ARHGAP18: variants seen among roughly 807,000 people sequenced by gnomAD.
ARHGAP18 encodes rho GTPase-activating protein 18.
In ARHGAP18, 67 loss-of-function variants were observed where a neutral mutation model predicts 86.2. That is an observed-to-expected ratio of 0.78 (90% CI 0.64 to 0.95). The LOEUF (loss-of-function observed/expected upper bound fraction) is 0.95, where lower values mean the gene tolerates loss of function less well. ARHGAP18 is among the 40% of genes least tolerant of loss of function. The probability of loss-of-function intolerance (pLI) is 0.00; values close to 1 mark genes in which losing one functional copy is unlikely to be tolerated. For synonymous variants in ARHGAP18, 283 were observed against 280.4 expected (o/e 1.01, Z -0.09); for missense variants, 691 against 780.4 (o/e 0.89, Z 1.37).
intron 3 of ARHGAP18, among the ~76,000 whole-genome samples, chr6:129,636,895 T>C (rs1398584701): frequency 6.6e-6 from 1 of 152,186 alleles, no homozygotes; most frequent in Non-Finnish European, 1.5e-5. Context: ...CGCTGATTTT[T>C]TACCTTTTTT....
chr6:129,578,462 G>C lies in ARHGAP18; in HGVS notation c.*51C>G. The C allele has an allele frequency of 6.9e-7, 1 of 1,442,066 alleles. No homozygotes were observed. The allele number at this position is 1,442,066 out of a possible 1,614,324, so 89.3% of individuals were successfully genotyped here. ...TTCTTTTATTTACACTCTTGACTCA[G>C]CAAGAATTATGACAGAAGTCCACAT... On this transcript the variant is annotated 3_prime_UTR_variant, in exon 15 of 15. Coordinates refer to ENST00000368149, the MANE Select transcript of ARHGAP18 (RefSeq NM_033515.3).
Position 129,663,458 on chromosome 6 carries a change from A to G in ARHGAP18, c.114-21440T>C, listed in dbSNP as rs114341593. Among the ~76,000 whole-genome samples the G allele has an allele frequency of 5.3e-3, 807 of 152,310 alleles. 6 individuals are homozygous for G. Among genetic ancestry groups the G allele is most frequent in the African/African-American group, 0.018 (759 of 41,568 alleles). ...TCTGCATCCTGTTTCCTACGCCCCA[A>G]TAATTAAGTCCAGTCCTTAATTACT... On this transcript the variant is annotated intron_variant, in intron 1 of 14. Coordinates refer to ENST00000368149, the MANE Select transcript of ARHGAP18 (RefSeq NM_033515.3).
chr6:129,611,743 C>G, intron 7 of ARHGAP18, 133 bp from the exon 8 acceptor site: 1 of 675,344 alleles, frequency 1.5e-6, no homozygotes, highest in East Asian at 2.9e-5. Flanking sequence ...GTTTTGAATG[C>G]TATTTTACTA....
intron 5 of ARHGAP18, among the ~76,000 whole-genome samples, chr6:129,627,709 G>C (rs1016269983): frequency 2.6e-5 from 4 of 151,772 alleles, no homozygotes; most frequent in Non-Finnish European, 5.9e-5. Context: ...CAGAGAAGGA[G>C]ATTTAAGAAT....
At chr6:129,584,160 G>A (rs376903235) in intron 12 of ARHGAP18, 48 bp from the exon 13 acceptor site, 739 of 1,609,800 alleles carry the variant, frequency 4.6e-4, no homozygotes, top group Non-Finnish European at 6.1e-4. Flanking sequence ...CAGCTGGAAC[G>A]TGTAACTCTA....
chr6:129,652,254 G>C (rs1245806492), intron 1 of ARHGAP18, among the ~76,000 whole-genome samples: 4 of 152,196 alleles, frequency 2.6e-5, no homozygotes, highest in Non-Finnish European at 4.4e-5. Context: ...ATGGAGGCCA[G>C]CTTCCTCAGA....
intron 1 of ARHGAP18, among the ~76,000 whole-genome samples, chr6:129,676,347 C>T (rs1774230585): frequency 1.3e-5 from 2 of 152,126 alleles, no homozygotes; most frequent in South Asian, 4.1e-4. Context: ...GGCAACAGGT[C>T]CAATAACACC....
At chr6:129,636,000 T>C (rs1773324919) in intron 3 of ARHGAP18, among the ~76,000 whole-genome samples, 3 of 152,344 alleles carry the variant, frequency 2.0e-5, no homozygotes, top group Non-Finnish European at 4.4e-5. Context: ...CCACAATTTA[T>C]ATTTTGCTTA....
At chr6:129,687,104 G>A (rs911569352) in intron 1 of ARHGAP18, among the ~76,000 whole-genome samples, 6 of 151,126 alleles carry the variant, frequency 4.0e-5, no homozygotes, top group African/African-American at 9.7e-5. Context: ...GATTACAGGC[G>A]TGAGTCACTG....
intron 1 of ARHGAP18, among the ~76,000 whole-genome samples, chr6:129,677,306 TG>T (rs1452139065): frequency 6.6e-6 from 1 of 151,576 alleles, no homozygotes; most frequent in Non-Finnish European, 1.5e-5. Flanking sequence ...GGCAGGAGAA[TG>T]GCGTGAACCC....
intron 1 of ARHGAP18, among the ~76,000 whole-genome samples, chr6:129,678,956 G>A (rs1464052276): frequency 6.6e-6 from 1 of 152,150 alleles, no homozygotes; most frequent in African/African-American, 2.4e-5. Flanking sequence ...GAAATGTTTA[G>A]GAATTCACTA....
chr6:129,630,716 C>G (rs9375643), intron 4 of ARHGAP18, among the ~76,000 whole-genome samples: 32,386 of 151,792 alleles, frequency 0.21, 3,583 homozygotes, highest in Middle Eastern at 0.25. Flanking sequence ...AGTAGACTTC[C>G]CAGGCATGAG....
Position 129,599,338 on chromosome 6 carries a change from T to C in ARHGAP18, c.1591A>G (p.Asn531Asp), listed in dbSNP as rs753283561. The change falls in exon 12 of 15, where the codon AAC (asparagine) becomes GAC (aspartate). Residue 531 changes from asparagine (N) to aspartate (D), a missense_variant. Asn to Asp is a conservative substitution (Grantham distance 23, BLOSUM62 1). Coordinates refer to ENST00000368149, the MANE Select transcript of ARHGAP18 (RefSeq NM_033515.3). ...LLWTIPKFIVNQVRKQNTENH... is the reference protein window; with the variant it reads ...LLWTIPKFIVDQVRKQNTENH... ...TCCGTGTTTTGCTTCCTCACTTGGTTTACAATAAACTTGGGAATCTATAGA... is the reference window on the plus strand; with the variant it reads ...TCCGTGTTTTGCTTCCTCACTTGGTCTACAATAAACTTGGGAATCTATAGA... 3.8e-6 allele frequency: 6 copies of C among 1,570,934 alleles called. No individual in the cohort carries two copies. In the African/African-American group the frequency reaches 8.3e-5, roughly 22 times the overall value.
intron 1 of ARHGAP18, among the ~76,000 whole-genome samples, chr6:129,676,781 GA>G (rs959537377): frequency 3.5e-4 from 52 of 149,634 alleles, no homozygotes; most frequent in African/African-American, 1.1e-3. Context: ...CTTGGGTGTG[GA>G]AAAAAAAAGT....
chr6:129,635,261 G>C (rs1773309163), intron 3 of ARHGAP18, among the ~76,000 whole-genome samples: 1 of 152,164 alleles, frequency 6.6e-6, no homozygotes, highest in Admixed American at 6.5e-5. Context: ...ACCTCAAGCT[G>C]TTGTCCACGA....
chr6:129,699,943 A>G (rs1355406193), intron 1 of ARHGAP18, among the ~76,000 whole-genome samples: 1 of 152,204 alleles, frequency 6.6e-6, no homozygotes, highest in Non-Finnish European at 1.5e-5. Flanking sequence ...TTTATTATGT[A>G]TTCTATAGAT....
At chr6:129,610,323 T>C (rs1192077918) in intron 8 of ARHGAP18, among the ~76,000 whole-genome samples, 1 of 152,206 alleles carries the variant, frequency 6.6e-6, no homozygotes, top group Non-Finnish European at 1.5e-5. Context: ...TTGGAAGCTT[T>C]ATCCCCCAGG....
At chr6:129,702,800 G>A (rs776386681) in intron 1 of ARHGAP18, among the ~76,000 whole-genome samples, 5 of 152,196 alleles carry the variant, frequency 3.3e-5, no homozygotes, top group Admixed American at 6.5e-5. Flanking sequence ...AGGAGTTCGA[G>A]ACCAGCCTGG....
intron 1 of ARHGAP18, among the ~76,000 whole-genome samples, chr6:129,709,415 C>CA (rs923646447): frequency 2.0e-5 from 3 of 152,230 alleles, no homozygotes. Flanking sequence ...AACCACATTT[C>CA]ACTCCAGCAG....
Sources: allele counts gnomAD v4.1 joint callset (sites outside exome capture counted in the v4.1 genomes callset), GRCh38; gene constraint gnomAD v4.1.1; transcripts MANE v1.5; gene names NCBI Gene and HGNC (gene_info 2026-07-23, HGNC 2026-07-21).